Variants in EXOG observed in about 807,000 individuals in gnomAD.
EXOG encodes nuclease EXOG, mitochondrial.
Under a neutral mutation model 25.8 loss-of-function variants are expected in EXOG, and 27 were observed. The ratio of observed to expected loss-of-function variants is 1.05; its 90% CI spans 0.77 to 1.45. The LOEUF is 1.45. Ranked by LOEUF, EXOG falls within the 40% of genes most tolerant of loss-of-function variation. The pLI is 0.00. For synonymous variants in EXOG, 133 were observed against 167.0 expected (o/e 0.80, Z 1.57); for missense variants, 458 against 450.5 (o/e 1.02, Z -0.15).
chr3:38,508,721 C>CCCA (rs760291447), intron 5 of EXOG, among the ~76,000 whole-genome samples: 5 of 144,972 alleles, frequency 3.4e-5, no homozygotes, highest in South Asian at 2.2e-4. Context: ...ACCCCCCCCC[C>CCCA]AAAAAAAAAC....
At chr3:38,503,416 T>C (rs1236171142) in intron 3 of EXOG, among the ~76,000 whole-genome samples, 199 bp from the exon 4 acceptor site, 1 of 152,242 alleles carries the variant, frequency 6.6e-6, no homozygotes, top group Non-Finnish European at 1.5e-5. Context: ...CTACTTACTT[T>C]ATAGTCCTCA....
At chr3:38,506,376 C>T (rs992930112) in intron 4 of EXOG, among the ~76,000 whole-genome samples, 22 of 151,914 alleles carry the variant, frequency 1.4e-4, no homozygotes, top group African/African-American at 4.6e-4. Flanking sequence ...CATATGATGA[C>T]GAGTCTTTAA....
chr3:38,523,418 C>T, intron 5 of EXOG: 1 of 678,974 alleles, frequency 1.5e-6, no homozygotes. Context: ...GGCTGGAGTG[C>T]AGTGGTGCAA....
At position 38,496,390 on chromosome 3, in the gene EXOG, C is replaced by T. The variant is rs1262545431; in HGVS notation, c.23C>T (p.Ser8Phe). 1.9e-6 allele frequency: 3 copies of T among 1,613,774 alleles called. No individual in the cohort carries two copies. The highest frequency in any genetic ancestry group is 2.5e-6 in the Non-Finnish European group (3 of 1,179,874). Residue 8 changes from serine (S) to phenylalanine (F), a missense_variant, in exon 1 of 6, where the codon TCC (serine) becomes TTC (phenylalanine). Coordinates refer to ENST00000287675, the MANE Select transcript of EXOG (RefSeq NM_005107.4). Reference sequence around the variant, plus strand: ...AAGATGGCTATCAAGAGTATCGCTTCCCGCCTCCGGGGTTCCCGTCGTTTT... The same window carrying T: ...AAGATGGCTATCAAGAGTATCGCTTTCCGCCTCCGGGGTTCCCGTCGTTTT... Reference protein sequence around the residue: MAIKSIASRLRGSRRFLS... With the variant: MAIKSIAFRLRGSRRFLS...
chr3:38,514,261 A>G (rs1331082890), intron 5 of EXOG, among the ~76,000 whole-genome samples: 2 of 152,240 alleles, frequency 1.3e-5, no homozygotes, highest in African/African-American at 4.8e-5. Context: ...AAAGTGTGGA[A>G]CCTGGAAGGC....
chr3:38,496,678 G>C, intron 1 of EXOG, 148 bp downstream of exon 1: 1 of 1,442,654 alleles, frequency 6.9e-7, no homozygotes, highest in Non-Finnish European at 9.1e-7. Flanking sequence ...TTATTCTCCC[G>C]GCTCGGCCTC....
intron 5 of EXOG, among the ~76,000 whole-genome samples, chr3:38,515,224 C>T (rs1309322787): frequency 6.6e-6 from 1 of 152,134 alleles, no homozygotes; most frequent in Non-Finnish European, 1.5e-5. Flanking sequence ...TTATGTATGA[C>T]AAGTTCTCTA....
rs3831840 is a variant in EXOG, at chr3:38,514,761, T to TCCCCCC, written c.645+7796_645+7801dup. On this transcript the variant is annotated intron_variant, in intron 5 of 5. Transcript: ENST00000287675. ...TATCTTAAATCCCTCTTTTCCACCC[T>TCCCCCC]CCCCCCCCTCCCCCTGCTTTTTTTT... Among the ~76,000 whole-genome samples, 13 of 82,028 alleles carry TCCCCCC rather than the reference T, an allele frequency of 1.6e-4. No individual in the cohort carries two copies. The East Asian group carries it at 2.0e-3, about 12-fold the overall frequency. 53.8% of individuals were successfully genotyped at this position (82,028 alleles called of 152,430 possible). A position where few individuals can be genotyped will look rare whatever the true frequency, so the allele number is the denominator to read the frequency against.
intron 2 of EXOG, 194 bp downstream of exon 2, chr3:38,497,972 G>T: frequency 1.6e-6 from 1 of 609,376 alleles, no homozygotes; most frequent in Non-Finnish European, 2.6e-6. Context: ...AGCTGTCTCA[G>T]GGCTGAAAAT....
At chr3:38,501,133 T>G in intron 2 of EXOG, 1 of 385,400 alleles carries the variant, frequency 2.6e-6, no homozygotes, top group Non-Finnish European at 4.6e-6. Flanking sequence ...CAAAATTATA[T>G]GAGATAGCTA....
At chr3:38,522,646 A>G (rs2060754346) in intron 5 of EXOG, among the ~76,000 whole-genome samples, 1 of 152,166 alleles carries the variant, frequency 6.6e-6, no homozygotes, top group African/African-American at 2.4e-5. Context: ...CAGGGATTAC[A>G]GGCATGCGCC....
At chr3:38,502,001 T>G (rs1401982676) in intron 3 of EXOG, among the ~76,000 whole-genome samples, 1 of 152,048 alleles carries the variant, frequency 6.6e-6, no homozygotes, top group Non-Finnish European at 1.5e-5. Flanking sequence ...TGGCTCACTG[T>G]AACCTCCGCC....
chr3:38,514,465 C>T (rs1169403399), intron 5 of EXOG, among the ~76,000 whole-genome samples: 2 of 152,070 alleles, frequency 1.3e-5, no homozygotes, highest in Non-Finnish European at 2.9e-5. Context: ...ATTCTGAACC[C>T]TGGAGCACTT....
At chr3:38,514,846 C>T (rs564095950) in intron 5 of EXOG, among the ~76,000 whole-genome samples, 244 of 144,594 alleles carry the variant, frequency 1.7e-3, no homozygotes, top group Middle Eastern at 3.6e-3. Context: ...TCTTGGCTCA[C>T]CGCAGCCTCC....
chr3:38,510,279 G>A (rs1471321303), intron 5 of EXOG, among the ~76,000 whole-genome samples: 2 of 152,148 alleles, frequency 1.3e-5, no homozygotes, highest in Non-Finnish European at 2.9e-5. Context: ...AAAGAGTCAT[G>A]CAAACAAAAT....
At chr3:38,497,212 G>A in intron 1 of EXOG, 2 of 1,009,370 alleles carry the variant, frequency 2.0e-6, no homozygotes, top group African/African-American at 1.7e-5. Flanking sequence ...AAGGCATCGG[G>A]GAGGATTATC....
intron 4 of EXOG, 63 bp downstream of exon 4, chr3:38,503,754 T>A: frequency 3.1e-6 from 3 of 965,098 alleles, no homozygotes; most frequent in Non-Finnish European, 5.0e-6. Flanking sequence ...CAGGAGAATG[T>A]ACTGATGTGC....
intron 5 of EXOG, among the ~76,000 whole-genome samples, chr3:38,508,927 G>A (rs1340125499): frequency 6.6e-6 from 1 of 152,038 alleles, no homozygotes; most frequent in Non-Finnish European, 1.5e-5. Context: ...TTGTTTTCAA[G>A]GATTTGTACA....
chr3:38,509,040 C>T (rs1271743563), intron 5 of EXOG, among the ~76,000 whole-genome samples: 1 of 152,112 alleles, frequency 6.6e-6, no homozygotes, highest in Non-Finnish European at 1.5e-5. Flanking sequence ...AATTTCTCTC[C>T]TCTGATTAAC....
Sources: allele counts gnomAD v4.1 joint callset (sites outside exome capture counted in the v4.1 genomes callset), GRCh38; gene constraint gnomAD v4.1.1; transcripts MANE v1.5; gene names NCBI Gene and HGNC (gene_info 2026-07-23, HGNC 2026-07-21).